The following DGCR2 variants were observed in gnomAD, a reference collection of about 807,000 sequenced individuals.
DGCR2 encodes the protein DiGeorge syndrome critical region gene 2.
A neutral mutation model predicts 51.6 loss-of-function variants in DGCR2; 24 were observed. The observed-to-expected ratio is 0.47, with a 90% confidence interval of 0.34 to 0.65. The LOEUF is 0.65. DGCR2 is among the 30% of genes least tolerant of loss of function. The pLI is 0.01. For missense variants in DGCR2, 765 were observed against 772.1 expected (o/e 0.99, Z 0.11); for synonymous variants, 340 against 315.4 (o/e 1.08, Z -0.82).
intron 7 of DGCR2, chr22:19,046,792 C>T (rs934838514): frequency 4.6e-6 from 2 of 433,988 alleles, no homozygotes; most frequent in African/African-American, 4.0e-5. Flanking sequence ...CTGCTCTGGG[C>T]CCACCCAGAT....
intron 2 of DGCR2, among the ~76,000 whole-genome samples, chr22:19,075,625 ACTTCCTGT>A (rs2082867290): frequency 6.6e-6 from 1 of 152,112 alleles, no homozygotes. Context: ...CCACAATTCT[ACTTCCTGT>A]ATCTATGCAT....
chr22:19,085,975 G>A (rs1287741596), intron 2 of DGCR2, among the ~76,000 whole-genome samples: 1 of 152,068 alleles, frequency 6.6e-6, no homozygotes, highest in African/African-American at 2.4e-5. Flanking sequence ...TTTTTGAGAG[G>A]GGAGGAGGTT....
At chr22:19,074,192 G>A (rs1045903700) in intron 2 of DGCR2, among the ~76,000 whole-genome samples, 3 of 152,122 alleles carry the variant, frequency 2.0e-5, no homozygotes, top group Non-Finnish European at 2.9e-5. Context: ...TTGGGAGACC[G>A]AGGCAGGCGA....
Position 19,063,178 on chromosome 22 carries a change from C to G in DGCR2, c.625+24G>C, listed in dbSNP as rs1381457954. ...GGGTGACTCTGCCCAGCTTCAAACACTCCCACACACCAGAAGGGCTCACCT... is the reference window on the plus strand; with the variant it reads ...GGGTGACTCTGCCCAGCTTCAAACAGTCCCACACACCAGAAGGGCTCACCT... On this transcript the variant is annotated intron_variant, in intron 5 of 9. Transcript: ENST00000263196. 4 of 1,611,950 alleles carry G rather than the reference C, an allele frequency of 2.5e-6. No homozygotes were observed. The South Asian group carries it at 4.4e-5, about 18-fold the overall frequency.
chr22:19,091,748 C>T (rs993815128), intron 1 of DGCR2, among the ~76,000 whole-genome samples: 10 of 150,516 alleles, frequency 6.6e-5, no homozygotes, highest in Non-Finnish European at 1.5e-4. Context: ...GACAGGAGTT[C>T]GAGACCAGCC....
chr22:19,103,464 T>C (rs2083227795), intron 1 of DGCR2, among the ~76,000 whole-genome samples: 1 of 125,048 alleles, frequency 8.0e-6, no homozygotes, highest in Admixed American at 9.6e-5. Context: ...GGAGTCTCGC[T>C]CTGTCACCCA....
chr22:19,091,862 C>T (rs2083082610), intron 1 of DGCR2, among the ~76,000 whole-genome samples: 1 of 151,548 alleles, frequency 6.6e-6, no homozygotes, highest in Non-Finnish European at 1.5e-5. Context: ...ATCGCTTGAA[C>T]CTGAAAAAAA....
intron 1 of DGCR2, among the ~76,000 whole-genome samples, chr22:19,094,811 G>C (rs1294651925): frequency 6.6e-6 from 1 of 152,190 alleles, no homozygotes. Flanking sequence ...AAAGGAATAA[G>C]CTATTAACAC....
chr22:19,091,513 G>GA (rs1266266276), intron 1 of DGCR2, among the ~76,000 whole-genome samples: 1 of 152,176 alleles, frequency 6.6e-6, no homozygotes, highest in Non-Finnish European at 1.5e-5. Flanking sequence ...ATTTACAAAA[G>GA]AAACTTCAAA....
chr22:19,094,849 T>A (rs1555909341), intron 1 of DGCR2, among the ~76,000 whole-genome samples: 1 of 152,166 alleles, frequency 6.6e-6, no homozygotes, highest in Non-Finnish European at 1.5e-5. Context: ...AATCTCAAAA[T>A]AATTATATTG....
chr22:19,095,226 G>C (rs1376950592), intron 1 of DGCR2, among the ~76,000 whole-genome samples: 1 of 152,154 alleles, frequency 6.6e-6, no homozygotes, highest in African/African-American at 2.4e-5. Flanking sequence ...GCCAGGCGTG[G>C]TGGTGCATGC....
chr22:19,068,347 G>A (rs1470529010), intron 2 of DGCR2, 122 bp from the exon 3 acceptor site: 15 of 1,167,696 alleles, frequency 1.3e-5, no homozygotes, highest in African/African-American at 1.1e-4. Flanking sequence ...CACAGAGTCC[G>A]GCAATGCAGG....
intron 5 of DGCR2, among the ~76,000 whole-genome samples, chr22:19,060,263 C>A (rs2238738): frequency 0.24 from 35,861 of 152,216 alleles, 4,783 homozygotes; most frequent in African/African-American, 0.37. Context: ...AGGACCACAG[C>A]CCTGACTGCT....
At position 19,095,102 on chromosome 22, in the gene DGCR2, C is replaced by T. The variant is rs147641792; in HGVS notation, c.80-5612G>A. On this transcript the variant is annotated intron_variant, in intron 1 of 9. Transcript: ENST00000263196. Reference sequence around the variant, plus strand: ...ATTTGGCCGTGTGCAGAGGCTCACGCCTATAATCCCAGCACTTTGGGAGGC... The same window carrying T: ...ATTTGGCCGTGTGCAGAGGCTCACGTCTATAATCCCAGCACTTTGGGAGGC... Among the ~76,000 whole-genome samples the T allele has an allele frequency of 2.3e-3, 350 of 152,310 alleles. 1 individual carries two copies. The highest frequency in any genetic ancestry group is 8.0e-3 in the African/African-American group (332 of 41,566).
chr22:19,042,319 C>T (rs911919991), intron 7 of DGCR2, among the ~76,000 whole-genome samples: 1 of 152,190 alleles, frequency 6.6e-6, no homozygotes, highest in Non-Finnish European at 1.5e-5. Flanking sequence ...GGCTGGGGAG[C>T]GGCCCTCCTG....
At chr22:19,117,339 G>A (rs1005425830) in intron 1 of DGCR2, among the ~76,000 whole-genome samples, 23 of 152,224 alleles carry the variant, frequency 1.5e-4, no homozygotes, top group Admixed American at 1.2e-3. Flanking sequence ...ACCCAGAACC[G>A]CCAACTAAAA....
rs1267102739 is a variant in DGCR2, at chr22:19,089,480, G to A, written c.90C>T (p.Cys30=). The change falls in exon 2 of 10, where the codon TGC becomes TGT. Residue 30 remains cysteine (C), a synonymous_variant. Transcript: ENST00000263196. Reference sequence around the variant, plus strand: ...TGCGACACGCAAACTGCCCAGGGTTGCACCGCAGCTCTGTGGGACCAAAGG... The same window carrying A: ...TGCGACACGCAAACTGCCCAGGGTTACACCGCAGCTCTGTGGGACCAAAGG... The part of the protein sequence containing the change: ...VTEPLRPELR[C]NPGQFACRSG... The A allele has an allele frequency of 1.3e-6, 2 of 1,586,836 alleles. No individual in the cohort carries two copies. Among genetic ancestry groups the A allele is most frequent in the Admixed American group, 1.7e-5 (1 of 57,466 alleles).
chr22:19,064,774 G>A (rs1219864474), intron 4 of DGCR2, 74 bp downstream of exon 4: 2 of 1,411,070 alleles, frequency 1.4e-6, no homozygotes, highest in Non-Finnish European at 2.0e-6. Flanking sequence ...AGTTTACTGA[G>A]TGGTCAGAGG....
intron 1 of DGCR2, among the ~76,000 whole-genome samples, chr22:19,116,087 G>A (rs1286367013): frequency 6.6e-6 from 1 of 152,242 alleles, no homozygotes; most frequent in African/African-American, 2.4e-5. Context: ...AGAGTGAGCA[G>A]TAGAACAGAT....
Sources: gnomAD v4.1 joint callset for allele counts (sites outside exome capture counted in the v4.1 genomes callset) on GRCh38, gnomAD v4.1.1 for gene constraint, MANE v1.5 for transcripts, NCBI Gene and HGNC (gene_info 2026-07-23, HGNC 2026-07-21) for gene names.